Variants in NPRL3 observed in about 807,000 individuals in gnomAD.
NPRL3 encodes GATOR1 complex protein NPRL3.
In NPRL3, 23 loss-of-function variants were observed where a neutral mutation model predicts 57.2. The observed-to-expected ratio is 0.40, with a 90% confidence interval of 0.29 to 0.57. The LOEUF (loss-of-function observed/expected upper bound fraction) is 0.57. Among genes scored for constraint, NPRL3 ranks in the 20% least tolerant of loss-of-function variants. The pLI is 0.42. For synonymous variants in NPRL3, 333 were observed against 321.1 expected (o/e 1.04, Z -0.39); for missense variants, 691 against 767.1 (o/e 0.90, Z 1.17).
chr16:133,533 T>A (rs369866867), intron 2 of NPRL3, among the ~76,000 whole-genome samples: 2 of 37,248 alleles, frequency 5.4e-5, no homozygotes, highest in Non-Finnish European at 8.5e-5. Flanking sequence ...CCTAGCGTTG[T>A]TTGTTTGTTT....
rs1900365633 is a variant in NPRL3, at chr16:123,456, G to A, written c.189-4201C>T. 6.4e-6 allele frequency: 3 copies of A among 470,022 alleles called. No individual in the cohort carries two copies. The Admixed American group carries it at 7.1e-5, about 11-fold the overall frequency. The allele number at this position is 470,022 out of a possible 1,614,324, so 29.1% of individuals were successfully genotyped here. ...GGAATTAAGCACAATTACAAGAAGA[G>A]AAGGCAGCCGGAATCAAGACAGAAA... On this transcript the variant is annotated intron_variant, in intron 3 of 13. Coordinates refer to ENST00000611875, the MANE Select transcript of NPRL3 (RefSeq NM_001077350.3).
rs756097877 is a variant in NPRL3 at position 110,611 on chromosome 16, A to G, written c.548-5T>C. 18 of 1,604,052 alleles carry G rather than the reference A, an allele frequency of 1.1e-5. No individual in the cohort carries two copies. The East Asian group carries it at 4.0e-4, about 36-fold the overall frequency. ...GGGACTGAGGACCTTCATTTCCTAC[A>G]AGAATCACAACACAAGATTTACAGC... On this transcript the variant is annotated splice_region_variant and splice_polypyrimidine_tract_variant and intron_variant, in intron 6 of 13. Coordinates refer to ENST00000611875, the MANE Select transcript of NPRL3 (RefSeq NM_001077350.3).
chr16:107,557 T>C (rs973049434), intron 7 of NPRL3, among the ~76,000 whole-genome samples: 1 of 133,754 alleles, frequency 7.5e-6, no homozygotes, highest in African/African-American at 2.9e-5. Flanking sequence ...GGCAGAAGAA[T>C]GCACTCCAGC....
chr16:106,315 C>CAAATAAAT (rs111453355), intron 7 of NPRL3, among the ~76,000 whole-genome samples: 29 of 150,766 alleles, frequency 1.9e-4, no homozygotes, highest in African/African-American at 6.3e-4. Context: ...CTCAAACAAA[C>CAAATAAAT]AAATAAATAA....
chr16:104,156 G>C (rs1899431617), intron 7 of NPRL3, among the ~76,000 whole-genome samples: 3 of 151,320 alleles, frequency 2.0e-5, no homozygotes, highest in African/African-American at 7.3e-5. Flanking sequence ...AGCCAGGTGT[G>C]GTGGCAGGTG....
intron 4 of NPRL3, among the ~76,000 whole-genome samples, chr16:118,061 T>C (rs1182361812): frequency 6.6e-6 from 1 of 152,208 alleles, no homozygotes; most frequent in Non-Finnish European, 1.5e-5. Context: ...GGTAGGGGAC[T>C]GTGCCCCAGC....
intron 6 of NPRL3, among the ~76,000 whole-genome samples, chr16:111,680 C>T (rs930721495): frequency 1.3e-5 from 2 of 152,004 alleles, no homozygotes; most frequent in South Asian, 2.1e-4. Flanking sequence ...CCTGAATTCC[C>T]GAGCTCAAGC....
chr16:91,858 G>C (rs1376194365), intron 11 of NPRL3, among the ~76,000 whole-genome samples: 1 of 152,254 alleles, frequency 6.6e-6, no homozygotes, highest in African/African-American at 2.4e-5. Context: ...GCCCTGCTCT[G>C]AGTCTCTGCC....
In NPRL3 at chr16:86,983, G is replaced by A. The variant is rs1422393878; in HGVS notation, c.1545-113C>T. The A allele has an allele frequency of 8.0e-6, 9 of 1,125,184 alleles. 1 individual carries two copies. Among genetic ancestry groups the A allele is most frequent in the Non-Finnish European group, 1.1e-5 (9 of 806,088 alleles). The allele number at this position is 1,125,184 out of a possible 1,614,324, so 69.7% of individuals were successfully genotyped here. ...GCTGCCCACAGGCCTGAACAGAGCT[G>A]GTGGTGAAGGCCAGGGAGGCAGCCA... On this transcript the variant is annotated intron_variant, in intron 13 of 13. Transcript: ENST00000611875.
intron 3 of NPRL3, among the ~76,000 whole-genome samples, chr16:128,887 A>G (rs1442285599): frequency 6.6e-6 from 1 of 152,212 alleles, no homozygotes. Flanking sequence ...ACGTGACAAA[A>G]TAAACCAGGA....
chr16:90,186 T>A, intron 11 of NPRL3: 1 of 413,904 alleles, frequency 2.4e-6, no homozygotes, highest in East Asian at 5.1e-5. Context: ...GAGCAGGACC[T>A]GAGACGTGGA....
intron 9 of NPRL3, among the ~76,000 whole-genome samples, chr16:95,521 A>T (rs1898970546): frequency 1.3e-5 from 2 of 152,024 alleles, no homozygotes; most frequent in Non-Finnish European, 2.9e-5. Context: ...ATCATGACAC[A>T]CCCAAAATTT....
chr16:92,201 T>C (rs1898789579), intron 11 of NPRL3, among the ~76,000 whole-genome samples: 1 of 152,146 alleles, frequency 6.6e-6, no homozygotes, highest in African/African-American at 2.4e-5. Context: ...GGGTCAGGCC[T>C]GGCCCAGTGA....
At position 98,241 on chromosome 16, in the gene NPRL3, A is replaced by G; in HGVS notation, c.828T>C (p.Ile276=). 1.2e-6 allele frequency: 2 copies of G among 1,613,982 alleles called. No individual in the cohort carries two copies. Among genetic ancestry groups the G allele is most frequent in the South Asian group, 1.1e-5 (1 of 91,086 alleles). The change falls in exon 9 of 14, where the codon ATT becomes ATC. Residue 276 remains isoleucine, a synonymous_variant. Transcript: ENST00000611875. ...DEKSLLGELP[I]DCSPALVRVI... ...CCCGCACTAGGGCAGGGGAGCAGTC[A>G]ATAGGAAGCTCACCCAGCAAGGACT...
intron 7 of NPRL3, among the ~76,000 whole-genome samples, chr16:107,593 T>G (rs2562170): frequency 0.53 from 55,987 of 104,752 alleles, 10,987 homozygotes; most frequent in South Asian, 0.61. Flanking sequence ...ATATTCCATC[T>G]CAAAAAAAAA....
chr16:111,108 T>G (rs984668614), intron 6 of NPRL3, among the ~76,000 whole-genome samples: 2 of 152,056 alleles, frequency 1.3e-5, no homozygotes, highest in Non-Finnish European at 2.9e-5. Context: ...TATTATAAAT[T>G]TTGACAGGTA....
intron 4 of NPRL3, 116 bp downstream of exon 4, chr16:119,010 C>T (rs1900168204): frequency 6.8e-7 from 1 of 1,474,752 alleles, no homozygotes; most frequent in Admixed American, 2.0e-5. Flanking sequence ...CCACACCTGC[C>T]CAGGGGAAGC....
intron 2 of NPRL3, among the ~76,000 whole-genome samples, chr16:131,997 TTTC>T (rs1368551773): frequency 8.2e-6 from 1 of 121,450 alleles, no homozygotes; most frequent in African/African-American, 3.0e-5. Context: ...CAGAAGCTAC[TTTC>T]TTTCTTTCTT....
At chr16:109,189 G>C (rs1899670442) in intron 7 of NPRL3, among the ~76,000 whole-genome samples, 3 of 151,714 alleles carry the variant, frequency 2.0e-5, no homozygotes, top group African/African-American at 7.3e-5. Context: ...GGCTGATCTT[G>C]CACTTCTGAC....
Sources: gnomAD v4.1 joint callset for allele counts (sites outside exome capture counted in the v4.1 genomes callset) on GRCh38, gnomAD v4.1.1 for gene constraint, MANE v1.5 for transcripts, NCBI Gene and HGNC (gene_info 2026-07-23, HGNC 2026-07-21) for gene names.